DIP2C: variants seen among roughly 807,000 people sequenced by gnomAD.
DIP2C encodes the protein disco-interacting protein 2 homolog C.
A neutral mutation model predicts 192.4 loss-of-function variants in DIP2C; 33 were observed. The observed-to-expected ratio is 0.17, with a 90% CI of 0.13 to 0.23. The LOEUF is 0.23. DIP2C is among the 10% of genes least tolerant of loss of function. DIP2C has a pLI of 1.00. For missense variants in DIP2C, 1,537 were observed against 2,110.1 expected (o/e 0.73, Z 5.32); for synonymous variants, 979 against 864.1 (o/e 1.13, Z -2.33).
chr10:391,397 C>G (rs1050258799), intron 10 of DIP2C, among the ~76,000 whole-genome samples: 1 of 152,254 alleles, frequency 6.6e-6, no homozygotes, highest in Non-Finnish European at 1.5e-5. Context: ...CTGAGCAGCC[C>G]AGTCTCAACG....
At chr10:368,497 A>G (rs925875246) in intron 18 of DIP2C, among the ~76,000 whole-genome samples, 4 of 152,196 alleles carry the variant, frequency 2.6e-5, no homozygotes, top group Admixed American at 2.0e-4. Flanking sequence ...GGGCGTCCGC[A>G]GGGAATCAGG....
rs201973499 is a variant in DIP2C, at chr10:562,951, T to C, written c.86-76421A>G. On this transcript the variant is annotated intron_variant, in intron 1 of 36. Coordinates refer to ENST00000280886, the MANE Select transcript of DIP2C (RefSeq NM_014974.3). ...ATAGCTAAATACTCTTCTGTGAACATTGACGTGTGCAACCTTATAAAGTCT... is the reference window on the plus strand; with the variant it reads ...ATAGCTAAATACTCTTCTGTGAACACTGACGTGTGCAACCTTATAAAGTCT... Among the ~76,000 whole-genome samples, 33 of 152,382 alleles carry C rather than the reference T, an allele frequency of 2.2e-4. No homozygotes were observed. The South Asian group carries it at 6.0e-3, about 28-fold the overall frequency.
rs766144540 is a variant in DIP2C, at chr10:662,021, C to A, written c.85+27473G>T. 5.4e-4 allele frequency: 383 copies of A among 715,104 alleles called. No homozygotes were observed. In the Middle Eastern group the frequency reaches 8.5e-3, roughly 16 times the overall value. 44.3% of individuals were successfully genotyped at this position (715,104 alleles called of 1,614,324 possible). On this transcript the variant is annotated intron_variant, in intron 1 of 36. Transcript: ENST00000280886. ...CCTCCTCTCGCCATGGCGAGTGCCC[C>A]GCAGGAGCCTGGCCTGTCCCCCGTG...
In DIP2C at chr10:277,384, G is replaced by A; in HGVS notation, c.4612C>T (p.Leu1538=). ...TGGTCTGCCAAAAACCCGTCTCGCA[G>A]GTGCATGCGCTGCTTCTCCCCACGG... is the stretch of plus-strand genomic sequence containing the variant. The part of the protein sequence containing the change: ...NSRGEKQRMH[L]RDGFLADQLD... Residue 1538 remains leucine, a synonymous_variant, in exon 37 of 37, where the codon CTG becomes TTG. Coordinates refer to ENST00000280886, the MANE Select transcript of DIP2C (RefSeq NM_014974.3). 1 of 1,614,204 alleles carries A rather than the reference G, an allele frequency of 6.2e-7. No homozygotes were observed. Among genetic ancestry groups the A allele is most frequent in the Non-Finnish European group, 8.5e-7 (1 of 1,180,050 alleles).
At chr10:334,467 TTA>T (rs1199959712) in intron 29 of DIP2C, among the ~76,000 whole-genome samples, 2 of 152,162 alleles carry the variant, frequency 1.3e-5, no homozygotes, top group Non-Finnish European at 2.9e-5. Context: ...CCAGTCCAGT[TTA>T]TCAGTATTTA....
intron 4 of DIP2C, among the ~76,000 whole-genome samples, chr10:433,161 C>T (rs1966901925): frequency 6.6e-6 from 1 of 152,192 alleles, no homozygotes; most frequent in Admixed American, 6.5e-5. Flanking sequence ...TTTCTGGCTA[C>T]TGAATTGGTC....
intron 1 of DIP2C, among the ~76,000 whole-genome samples, chr10:574,534 T>C (rs754552892): frequency 2.0e-5 from 3 of 148,516 alleles, no homozygotes; most frequent in Non-Finnish European, 3.0e-5. Context: ...GTATTAGTGA[T>C]CGTGGTGGGG....
At chr10:376,163 A>G (rs138418905) in intron 17 of DIP2C, among the ~76,000 whole-genome samples, 2 of 152,322 alleles carry the variant, frequency 1.3e-5, no homozygotes, top group East Asian at 1.9e-4. Flanking sequence ...ATTCTCATCT[A>G]CAGACGAGGA....
At position 470,119 on chromosome 10, in the gene DIP2C, T is replaced by TA. The variant is rs1471356979; in HGVS notation, c.268+2319dup. Among the ~76,000 whole-genome samples, 5 of 152,150 alleles carry TA rather than the reference T, an allele frequency of 3.3e-5. No individual in the cohort carries two copies. In the East Asian group the frequency reaches 5.8e-4, roughly 18 times the overall value. On this transcript the variant is annotated intron_variant, in intron 3 of 36. Transcript: ENST00000280886. The stretch of plus-strand genomic sequence containing the variant: ...GGTAAGTAGATGATTGGCGAATATG[T>TA]AGACAGATGCAGAGAGGTTGATAAA...
chr10:622,541 C>T (rs1176746233), intron 1 of DIP2C, among the ~76,000 whole-genome samples: 1 of 152,142 alleles, frequency 6.6e-6, no homozygotes, highest in Non-Finnish European at 1.5e-5. Context: ...GAGGACAGGG[C>T]TGTAATTGGA....
chr10:493,526 C>A (rs1178065507), intron 1 of DIP2C, among the ~76,000 whole-genome samples: 1 of 151,944 alleles, frequency 6.6e-6, no homozygotes, highest in African/African-American at 2.4e-5. Flanking sequence ...GAGAAGCTGA[C>A]GTGTAGAAGA....
chr10:550,305 C>CG (rs1848519333), intron 1 of DIP2C, among the ~76,000 whole-genome samples: 1 of 152,062 alleles, frequency 6.6e-6, no homozygotes, highest in African/African-American at 2.4e-5. Context: ...CCACAGTGCC[C>CG]GGCCCATGTA....
chr10:609,800 T>C (rs1016403185), intron 1 of DIP2C, among the ~76,000 whole-genome samples: 1 of 152,224 alleles, frequency 6.6e-6, no homozygotes, highest in Non-Finnish European at 1.5e-5. Flanking sequence ...TTGGATCTTA[T>C]GTGAGGCAAT....
rs150120354 is a variant in DIP2C, at chr10:415,032, G to A, written c.859+737C>T. Among the ~76,000 whole-genome samples the A allele has an allele frequency of 6.1e-3, 916 of 151,208 alleles. 3 individuals carry two copies. The highest frequency in any genetic ancestry group is 0.014 in the East Asian group (72 of 5,150). ...GCTGGAATTATAGGCATGAGCCACCGCACCTGGCCTGAGCTGTACATTTAA... is the reference window on the plus strand; with the variant it reads ...GCTGGAATTATAGGCATGAGCCACCACACCTGGCCTGAGCTGTACATTTAA... On this transcript the variant is annotated intron_variant, in intron 7 of 36. Transcript: ENST00000280886.
intron 31 of DIP2C, among the ~76,000 whole-genome samples, chr10:320,291 C>T (rs1054520897): frequency 2.0e-5 from 3 of 152,012 alleles, no homozygotes; most frequent in African/African-American, 7.3e-5. Flanking sequence ...GGGAGGATCA[C>T]GAGGTCAGGA....
intron 1 of DIP2C, among the ~76,000 whole-genome samples, chr10:616,188 GATTTT>G (rs1017073388): frequency 6.6e-6 from 1 of 152,060 alleles, no homozygotes; most frequent in African/African-American, 2.4e-5. Flanking sequence ...TAAATTCCTC[GATTTT>G]ATCAATTAGA....
At chr10:403,825 A>C (rs529759998) in intron 9 of DIP2C, among the ~76,000 whole-genome samples, 5 of 126,668 alleles carry the variant, frequency 3.9e-5, no homozygotes, top group African/African-American at 6.0e-5. Flanking sequence ...GTACGTTTTC[A>C]TCAGCACATG....
chr10:338,044 A>G (rs895563366), intron 29 of DIP2C, among the ~76,000 whole-genome samples: 1 of 152,162 alleles, frequency 6.6e-6, no homozygotes, highest in African/African-American at 2.4e-5. Context: ...ATGCGTGTAT[A>G]TATTAGTTTT....
At chr10:468,500 C>T (rs1193167905) in intron 3 of DIP2C, among the ~76,000 whole-genome samples, 1 of 152,178 alleles carries the variant, frequency 6.6e-6, no homozygotes, top group African/African-American at 2.4e-5. Flanking sequence ...GTGGCTCACA[C>T]CTGTAATCCC....
Sources: allele counts gnomAD v4.1 joint callset (sites outside exome capture counted in the v4.1 genomes callset), GRCh38; gene constraint gnomAD v4.1.1; transcripts MANE v1.5; gene names NCBI Gene and HGNC (gene_info 2026-07-23, HGNC 2026-07-21).